Variants in INHBC observed in about 807,000 individuals in gnomAD.
The protein encoded by INHBC is inhibin beta C chain.
Under a neutral mutation model 12.4 loss-of-function variants are expected in INHBC, and 10 were observed. The ratio of observed to expected loss-of-function variants is 0.81; its 90% confidence interval spans 0.50 to 1.37. INHBC has a LOEUF of 1.37. Ranked by LOEUF, INHBC falls within the 40% of genes most tolerant of loss-of-function variation. The pLI is 0.00. For synonymous variants in INHBC, 147 were observed against 171.6 expected (o/e 0.86, Z 1.12); for missense variants, 382 against 439.4 (o/e 0.87, Z 1.17).
In INHBC at chr12:57,447,892, AATATATATAT is replaced by A. The variant is rs1241342566; in HGVS notation, c.314-1363_314-1354del. 1.5e-3 allele frequency among the ~76,000 whole-genome samples: 29 copies of A among 19,880 alleles called. 1 individual carries two copies. Among genetic ancestry groups the A allele is most frequent in the East Asian group, 5.6e-3 (4 of 708 alleles). 13.0% of individuals were successfully genotyped at this position (19,880 alleles called of 152,430 possible). Reference sequence around the variant, plus strand: ...AAAAAAAAAAAAAAAAAAAAAAAAAAATATATATATATATATATATATATATATATAAAAT... The same window carrying A: ...AAAAAAAAAAAAAAAAAAAAAAAAAAATATATATATATATATATATAAAAT... On this transcript the variant is annotated intron_variant, in intron 1 of 1. Coordinates refer to ENST00000309668, the MANE Select transcript of INHBC (RefSeq NM_005538.4).
intron 1 of INHBC, among the ~76,000 whole-genome samples, chr12:57,449,072 T>A (rs1171697276): frequency 1.3e-5 from 2 of 152,204 alleles, no homozygotes; most frequent in Admixed American, 6.5e-5. Context: ...GGTATTCCCA[T>A]GACCCAAACA....
chr12:57,439,734 A>G (rs1056351106), intron 1 of INHBC, among the ~76,000 whole-genome samples: 2 of 152,196 alleles, frequency 1.3e-5, no homozygotes, highest in African/African-American at 4.8e-5. Context: ...TGACACCTTT[A>G]AGATGTTTAG....
chr12:57,448,747 G>A (rs1289257616), intron 1 of INHBC, among the ~76,000 whole-genome samples: 2 of 152,172 alleles, frequency 1.3e-5, no homozygotes, highest in Non-Finnish European at 1.5e-5. Flanking sequence ...TAACAGAGTT[G>A]TGTCATGGAA....
At chr12:57,448,579 A>G in intron 1 of INHBC, among the ~76,000 whole-genome samples, 1 of 151,948 alleles carries the variant, frequency 6.6e-6, no homozygotes, top group Admixed American at 6.6e-5. Context: ...AAAAAAAAAA[A>G]AAAAAAAAAA....
intron 1 of INHBC, 129 bp from the exon 2 acceptor site, chr12:57,449,148 T>G (rs1038032325): frequency 2.5e-6 from 3 of 1,207,980 alleles, no homozygotes; most frequent in Middle Eastern, 2.6e-4. Context: ...ACATGAACTT[T>G]GGAGGACATG....
In INHBC at chr12:57,435,142, G is replaced by T. The variant is rs777955775; in HGVS notation, c.256G>T (p.Ala86Ser). Reference protein sequence around the residue: ...LQHLHGVPQGALLEDNREQEC... With the variant: ...LQHLHGVPQGSLLEDNREQEC... ...GCACCTCCACGGGGTCCCACAGGGG[G>T]CACTTCTAGAGGACAACAGGGAACA... Residue 86 changes from alanine to serine, a missense_variant, in exon 1 of 2, where the codon GCA becomes TCA. Coordinates refer to ENST00000309668, the MANE Select transcript of INHBC (RefSeq NM_005538.4). 1.2e-5 allele frequency: 20 copies of T among 1,614,008 alleles called. No individual in the cohort carries two copies. The highest frequency in any genetic ancestry group is 1.2e-4 in the South Asian group (11 of 91,088).
In INHBC at chr12:57,448,297, G is replaced by A. The variant is rs145536723; in HGVS notation, c.314-980G>A. Among the ~76,000 whole-genome samples, 174 of 152,222 alleles carry A rather than the reference G, an allele frequency of 1.1e-3. 1 individual carries two copies. Among genetic ancestry groups the A allele is most frequent in the African/African-American group, 4.0e-3 (167 of 41,534 alleles). On this transcript the variant is annotated intron_variant, in intron 1 of 1. Transcript: ENST00000309668. Reference sequence around the variant, plus strand: ...TAAAAATTGTGTTGCTTGGCTGGGCGTGGTGGCTCACGCCTGTAATCCCAG... The same window carrying A: ...TAAAAATTGTGTTGCTTGGCTGGGCATGGTGGCTCACGCCTGTAATCCCAG...
At position 57,450,108 on chromosome 12, in the gene INHBC, C is replaced by T; in HGVS notation, c.*86C>T. ...CTTCCTTGAGAGGAGGGAATGACCT[C>T]ATTCTCTGTCCAGAATGTGGACTCC... On this transcript the variant is annotated 3_prime_UTR_variant, in exon 2 of 2. Transcript: ENST00000309668. The T allele has an allele frequency of 1.5e-6, 2 of 1,370,078 alleles. No individual in the cohort carries two copies. Among genetic ancestry groups the T allele is most frequent in the Non-Finnish European group, 1.9e-6 (2 of 1,040,008 alleles). 84.9% of individuals were successfully genotyped at this position (1,370,078 alleles called of 1,614,324 possible).
chr12:57,438,027 C>G (rs1260764778), intron 1 of INHBC, among the ~76,000 whole-genome samples: 1 of 152,128 alleles, frequency 6.6e-6, no homozygotes, highest in East Asian at 1.9e-4. Flanking sequence ...CCCAAGTGAT[C>G]TGCTCGCCTC....
In INHBC at chr12:57,449,974, C is replaced by A; in HGVS notation, c.1011C>A (p.Val337=). 1 of 1,542,304 alleles carries A rather than the reference C, an allele frequency of 6.5e-7. No homozygotes were observed. Among genetic ancestry groups the A allele is most frequent in the Admixed American group, 2.0e-5 (1 of 50,856 alleles). ...LLYYDRDSNI[V]KTDIPDMVVE... ...ATTATGACAGGGACAGCAACATTGT[C>A]AAGACTGACATACCTGACATGGTAG... The change falls in exon 2 of 2, where the codon GTC becomes GTA. Residue 337 remains valine, a synonymous_variant. Coordinates refer to ENST00000309668, the MANE Select transcript of INHBC (RefSeq NM_005538.4).
In INHBC at chr12:57,449,720, T is replaced by C. The variant is rs1470789386; in HGVS notation, c.757T>C (p.Phe253Leu). The C allele has an allele frequency of 2.5e-6, 4 of 1,614,108 alleles. No homozygotes were observed. The South Asian group carries it at 4.4e-5, about 18-fold the overall frequency. ...GSRMCCRQEF[F>L]VDFREIGWHD... is the part of the protein sequence containing the mutation. The stretch of plus-strand genomic sequence containing the variant: ...CAGGATGTGCTGTCGACAAGAGTTT[T>C]TTGTGGACTTCCGTGAGATTGGCTG... Residue 253 changes from phenylalanine (F) to leucine (L), a missense_variant, in exon 2 of 2, where the codon TTT becomes CTT. Transcript: ENST00000309668.
intron 1 of INHBC, among the ~76,000 whole-genome samples, chr12:57,448,297 G>C (rs145536723): frequency 1.3e-5 from 2 of 152,104 alleles, no homozygotes; most frequent in Non-Finnish European, 2.9e-5. Flanking sequence ...TTGGCTGGGC[G>C]TGGTGGCTCA....
In INHBC at chr12:57,434,803, T is replaced by A. The variant is rs1870293930; in HGVS notation, c.-84T>A. 7.5e-7 allele frequency: 1 copy of A among 1,325,600 alleles called. No individual in the cohort carries two copies. The allele number at this position is 1,325,600 out of a possible 1,614,324, so 82.1% of individuals were successfully genotyped here. ...GGACACACACTTCTTCCAGGGCCTC[T>A]GGCAGCCAGGACAGAGTTGAGACCA... On this transcript the variant is annotated 5_prime_UTR_variant, in exon 1 of 2. Coordinates refer to ENST00000309668, the MANE Select transcript of INHBC (RefSeq NM_005538.4).
chr12:57,436,531 G>C (rs1037098516), intron 1 of INHBC, among the ~76,000 whole-genome samples: 1 of 140,970 alleles, frequency 7.1e-6, no homozygotes, highest in Admixed American at 7.4e-5. Context: ...CTGGAATGCA[G>C]TGGTATGATC....
At chr12:57,447,973 T>C (rs1870627130) in intron 1 of INHBC, among the ~76,000 whole-genome samples, 1 of 138,904 alleles carries the variant, frequency 7.2e-6, no homozygotes, top group Non-Finnish European at 1.5e-5. Context: ...CATACATATA[T>C]ACATATATAT....
Position 57,435,089 on chromosome 12 carries a change from CCA to C in INHBC, c.204_205del (p.Arg69SerfsTer28). The stretch of plus-strand genomic sequence containing the variant: ...CGCCCAACACTGAACCGCCCTGTGT[CCA>C]GAGCTGCTTTGAGGACTGCACTGCA... On this transcript the variant is annotated frameshift_variant, in exon 1 of 2. Transcript: ENST00000309668. LOFTEE classifies it high-confidence loss of function. The C allele has an allele frequency of 6.2e-7, 1 of 1,614,184 alleles. No individual in the cohort carries two copies. The highest frequency in any genetic ancestry group is 8.5e-7 in the Non-Finnish European group (1 of 1,180,048).
At chr12:57,439,801 C>CA (rs1012080983) in intron 1 of INHBC, among the ~76,000 whole-genome samples, 17 of 150,746 alleles carry the variant, frequency 1.1e-4, no homozygotes, top group Admixed American at 7.9e-4. Context: ...TTTTAGATCT[C>CA]AAAAAAAAAT....
chr12:57,448,138 G>T (rs995408588), intron 1 of INHBC, among the ~76,000 whole-genome samples: 4 of 151,470 alleles, frequency 2.6e-5, no homozygotes, highest in African/African-American at 7.3e-5. Flanking sequence ...TTAATGTGCT[G>T]CCAGGACATT....
intron 1 of INHBC, 152 bp downstream of exon 1, chr12:57,435,351 A>AC: frequency 1.4e-6 from 1 of 720,370 alleles, no homozygotes; most frequent in Non-Finnish European, 2.3e-6. Context: ...TGTCCCGACA[A>AC]CCCCCACATC....
Sources: allele counts gnomAD v4.1 joint callset (sites outside exome capture counted in the v4.1 genomes callset), GRCh38; gene constraint gnomAD v4.1.1; transcripts MANE v1.5; gene names NCBI Gene and HGNC (gene_info 2026-07-23, HGNC 2026-07-21).